RAD21: variants seen among roughly 807,000 people sequenced by gnomAD.
The protein encoded by RAD21 is RAD21 cohesin complex component.
In RAD21, 18 loss-of-function variants were observed where a neutral mutation model predicts 71.5. That is an observed-to-expected ratio of 0.25 (90% CI 0.17 to 0.37). The LOEUF (loss-of-function observed/expected upper bound fraction) is 0.37, where lower values mean the gene tolerates loss of function less well. Ranked by LOEUF, RAD21 falls within the 10% of genes least tolerant of loss-of-function variation. RAD21 has a pLI of 1.00. For synonymous variants in RAD21, 248 were observed against 254.0 expected (o/e 0.98, Z 0.22); for missense variants, 493 against 769.1 (o/e 0.64, Z 4.25).
chr8:116,846,293 AT>A lies in RAD21; in HGVS notation c.*1206del, dbSNP rs16918579. 0.019 allele frequency: 4,269 copies of A among 229,906 alleles called. 171 individuals carry two copies. The highest frequency in any genetic ancestry group is 0.083 in the African/African-American group (3,740 of 45,096). 14.2% of individuals were successfully genotyped at this position (229,906 alleles called of 1,614,324 possible). A position where few individuals can be genotyped will look rare whatever the true frequency, so the allele number is the denominator to read the frequency against. On this transcript the variant is annotated 3_prime_UTR_variant, in exon 14 of 14. Coordinates refer to ENST00000297338, the MANE Select transcript of RAD21 (RefSeq NM_006265.3). ...CACTGAAGTCTGAGTTTCAAAAGTG[AT>A]TTTTTTTTCCCACAAAAGTTTCAAC...
intron 1 of RAD21, among the ~76,000 whole-genome samples, chr8:116,867,615 A>G (rs1021975628): frequency 2.4e-4 from 36 of 152,220 alleles, no homozygotes; most frequent in African/African-American, 8.0e-4. Flanking sequence ...TACTTCAGAG[A>G]ATGAATTTCC....
At chr8:116,856,524 T>C in intron 7 of RAD21, 122 bp downstream of exon 7, 6 of 1,283,128 alleles carry the variant, frequency 4.7e-6, no homozygotes, top group Non-Finnish European at 5.2e-6. Context: ...TCATAAGCAC[T>C]GTACTTAAAG....
chr8:116,856,160 G>A lies in RAD21; in HGVS notation c.937+6C>T. 1.2e-6 allele frequency: 2 copies of A among 1,607,924 alleles called. No homozygotes were observed. The highest frequency in any genetic ancestry group is 2.2e-5 in the South Asian group (2 of 90,236). On this transcript the variant is annotated splice_donor_region_variant and intron_variant, in intron 8 of 13. Coordinates refer to ENST00000297338, the MANE Select transcript of RAD21 (RefSeq NM_006265.3). ...GCTGTATAAATCTAAAGGTTCATAT[G>A]CTTACCAGTTATATCAATAGGCTCC...
rs1192509685 is a variant in RAD21 at position 116,858,261 on chromosome 8, T to G, written c.481+91A>C. The G allele has an allele frequency of 4.2e-6, 4 of 963,720 alleles. No individual in the cohort carries two copies. The East Asian group carries it at 7.5e-5, about 18-fold the overall frequency. The allele number at this position is 963,720 out of a possible 1,614,324, so 59.7% of individuals were successfully genotyped here. A position where few individuals can be genotyped will look rare whatever the true frequency, so the allele number is the denominator to read the frequency against. On this transcript the variant is annotated intron_variant, in intron 5 of 13. Coordinates refer to ENST00000297338, the MANE Select transcript of RAD21 (RefSeq NM_006265.3). Reference sequence around the variant, plus strand: ...ATGCATTACATGAAATTTTAAGTCTTTCTGTCTATAGTCTGGTTTTCTTTT... The same window carrying G: ...ATGCATTACATGAAATTTTAAGTCTGTCTGTCTATAGTCTGGTTTTCTTTT...
Position 116,847,640 on chromosome 8 carries a change from G to C in RAD21, c.1756C>G (p.Arg586Gly), listed in dbSNP as rs1400729160. Residue 586 changes from arginine to glycine, a missense_variant, in exon 14 of 14, where the codon CGA becomes GGA. Physicochemically the swap from Arg to Gly is moderately radical, Grantham distance 125 (BLOSUM62 -2). This residue lies in a region of RAD21 where 34 missense variants were observed against 59.9 expected (regional missense o/e 0.57). Transcript: ENST00000297338. Reference sequence around the variant, plus strand: ...GCAGCTTGTTTTCTGTTCGTATTTCGACATAACTCAAGCAAACTGATAGAT... The same window carrying C: ...GCAGCTTGTTTTCTGTTCGTATTTCCACATAACTCAAGCAAACTGATAGAT... Reference protein sequence around the residue: ...AESISLLELCRNTNRKQAAAK... With the variant: ...AESISLLELCGNTNRKQAAAK... 1.9e-6 allele frequency: 3 copies of C among 1,613,762 alleles called. No individual in the cohort carries two copies. The highest frequency in any genetic ancestry group is 2.2e-5 in the East Asian group (1 of 44,892).
intron 1 of RAD21, among the ~76,000 whole-genome samples, chr8:116,867,585 T>C (rs529821248): frequency 6.6e-6 from 1 of 152,170 alleles, no homozygotes; most frequent in Admixed American, 6.5e-5. Context: ...TTCCCCTCTT[T>C]CACGGATTTA....
chr8:116,848,917 A>G (rs1324611676), intron 13 of RAD21, 29 bp downstream of exon 13: 3 of 1,574,770 alleles, frequency 1.9e-6, no homozygotes, highest in Non-Finnish European at 2.6e-6. Flanking sequence ...TTGATGAAGC[A>G]TTTTCCTCTG....
rs1563697369 is a variant in RAD21 at position 116,874,749 on chromosome 8, C to CT, written c.-172dup. The CT allele has an allele frequency of 4.4e-6, 2 of 455,638 alleles. No homozygotes were observed. Among genetic ancestry groups the CT allele is most frequent in the African/African-American group, 4.0e-5 (2 of 50,042 alleles). The allele number at this position is 455,638 out of a possible 1,614,324, so 28.2% of individuals were successfully genotyped here. On this transcript the variant is annotated 5_prime_UTR_variant, in exon 1 of 14. Coordinates refer to ENST00000297338, the MANE Select transcript of RAD21 (RefSeq NM_006265.3). ...CCGCCGCCGCCACAGCCGGCGCCTCCTTTCCGATTCACTCAAACAAACAAG... is the reference window on the plus strand; with the variant it reads ...CCGCCGCCGCCACAGCCGGCGCCTCCTTTTCCGATTCACTCAAACAAACAAG...
Position 116,869,996 on chromosome 8 carries a change from T to G in RAD21, c.-32-3235A>C, listed in dbSNP as rs566205030. On this transcript the variant is annotated intron_variant, in intron 1 of 13. Coordinates refer to ENST00000297338, the MANE Select transcript of RAD21 (RefSeq NM_006265.3). ...TATCACAAGCAACAGATTTCTTACA[T>G]GTCAAAAATATTTTGGAGGGTGGGG... 2.3e-3 allele frequency among the ~76,000 whole-genome samples: 357 copies of G among 152,282 alleles called. 2 individuals are homozygous for G. The highest frequency in any genetic ancestry group is 3.8e-3 in the Non-Finnish European group (256 of 68,026).
chr8:116,872,250 G>A (rs990757262), intron 1 of RAD21, among the ~76,000 whole-genome samples: 7 of 152,086 alleles, frequency 4.6e-5, no homozygotes, highest in Non-Finnish European at 7.4e-5. Flanking sequence ...GAGCATTCGT[G>A]GTTTTGGTTC....
intron 1 of RAD21, among the ~76,000 whole-genome samples, chr8:116,868,754 G>T (rs910266235): frequency 1.7e-4 from 26 of 151,290 alleles, no homozygotes; most frequent in African/African-American, 5.1e-4. Flanking sequence ...AGGAAACACA[G>T]TCAATGTAAC....
At chr8:116,874,548 G>C (rs1432473864) in intron 1 of RAD21, 63 bp downstream of exon 1, 1 of 281,544 alleles carries the variant, frequency 3.6e-6, no homozygotes, top group African/African-American at 2.3e-5. Context: ...CGACGGCAGA[G>C]CGGCGGGGAA....
chr8:116,852,065 G>A lies in RAD21; in HGVS notation c.1353C>T (p.Leu451=), dbSNP rs367796224. 6.2e-7 allele frequency: 1 copy of A among 1,610,388 alleles called. No homozygotes were observed. The highest frequency in any genetic ancestry group is 1.3e-5 in the African/African-American group (1 of 74,856). The change falls in exon 11 of 14, where the codon CTC becomes CTT. Residue 451 remains leucine (L), a synonymous_variant. Coordinates refer to ENST00000297338, the MANE Select transcript of RAD21 (RefSeq NM_006265.3). ...TGCTGGCCTCCATCACTGACTCCTG[G>A]AGGCGGCTTGGCTCTTCAATAATGG... The part of the protein sequence containing the change: ...DEPIIEEPSR[L]QESVMEASRT...
chr8:116,851,243 C>T (rs1386384884), intron 11 of RAD21: 1 of 152,412 alleles, frequency 6.6e-6, no homozygotes, highest in African/African-American at 2.4e-5. Context: ...TAAAGAATTA[C>T]CAGAAGGAGG....
In RAD21 at chr8:116,856,302, A is replaced by C. The variant is rs1442240363; in HGVS notation, c.815-14T>G. On this transcript the variant is annotated splice_polypyrimidine_tract_variant and intron_variant, in intron 7 of 13. Transcript: ENST00000297338. ...CAGGCCCACCCACTGTAAAAAAAAA[A>C]AAAAAAAAAAAAAGTCACAAAAAGC... is the stretch of plus-strand genomic sequence containing the variant. 1 of 1,471,498 alleles carries C rather than the reference A, an allele frequency of 6.8e-7. No homozygotes were observed. The highest frequency in any genetic ancestry group is 8.9e-7 in the Non-Finnish European group (1 of 1,119,270). 91.2% of individuals were successfully genotyped at this position (1,471,498 alleles called of 1,614,324 possible).
chr8:116,863,388 T>C, intron 2 of RAD21, 129 bp from the exon 3 acceptor site: 1 of 973,914 alleles, frequency 1.0e-6, no homozygotes, highest in Non-Finnish European at 1.5e-6. Context: ...ATAAATTCCC[T>C]GAATATCGAA....
chr8:116,849,120 T>G, intron 12 of RAD21, 91 bp from the exon 13 acceptor site: 1 of 834,760 alleles, frequency 1.2e-6, no homozygotes, highest in Non-Finnish European at 1.8e-6. Flanking sequence ...TAAATTACCT[T>G]GAGATTGTGT....
At chr8:116,861,800 G>T in intron 4 of RAD21, 41 bp downstream of exon 4, 1 of 1,464,792 alleles carries the variant, frequency 6.8e-7, no homozygotes, top group Non-Finnish European at 9.5e-7. Context: ...ACTGCTTATT[G>T]CAGACCAAGT....
intron 1 of RAD21, among the ~76,000 whole-genome samples, chr8:116,871,499 A>G (rs910011593): frequency 6.6e-6 from 1 of 152,250 alleles, no homozygotes; most frequent in African/African-American, 2.4e-5. Flanking sequence ...CTTCTAGGAT[A>G]GTATCAGTCA....
Sources: gnomAD v4.1 joint callset for allele counts (sites outside exome capture counted in the v4.1 genomes callset) on GRCh38, gnomAD v4.1.1 for gene constraint, gnomAD v4.1.1 regional missense constraint, MANE v1.5 for transcripts, NCBI Gene and HGNC (gene_info 2026-07-23, HGNC 2026-07-21) for gene names.